The following AQP7B variants were observed in gnomAD, a reference collection of about 807,000 sequenced individuals.
AQP7B encodes putative aquaporin-7B.
At chr2:94,593,864 G>T in the AQP7B span, among the ~76,000 whole-genome samples, 1 of 152,206 alleles carries the variant, frequency 6.6e-6, no homozygotes, top group South Asian at 2.1e-4. Flanking sequence ...CCTATATGCA[G>T]ATTTGGGCCC....
the AQP7B span, chr2:94,603,858 C>A: frequency 7.0e-7 from 1 of 1,422,754 alleles, no homozygotes; most frequent in Non-Finnish European, 9.9e-7. Context: ...CAGGATATGC[C>A]ATCAATCCAT....
At chr2:94,603,660 C>T in the AQP7B span, 1 of 1,322,648 alleles carries the variant, frequency 7.6e-7, no homozygotes. Flanking sequence ...CTGCCGATGT[C>T]CTGTGGCTTG....
the AQP7B span, chr2:94,594,892 C>G: frequency 2.8e-6 from 4 of 1,408,640 alleles, no homozygotes; most frequent in Non-Finnish European, 4.0e-6. Flanking sequence ...GTGGGCAGCA[C>G]GAAGTGGGTG....
chr2:94,602,545 C>A, the AQP7B span: 1 of 1,603,820 alleles, frequency 6.2e-7, no homozygotes, highest in Non-Finnish European at 8.5e-7. Context: ...CATATGGGAG[C>A]TACCTTGGTG....
the AQP7B span, among the ~76,000 whole-genome samples, chr2:94,601,139 A>T: frequency 6.6e-6 from 1 of 152,244 alleles, no homozygotes. Flanking sequence ...CATCTGGCAC[A>T]GGTAACTGCC....
the AQP7B span, among the ~76,000 whole-genome samples, chr2:94,595,315 A>T: frequency 4.6e-5 from 7 of 152,186 alleles, no homozygotes; most frequent in Admixed American, 2.0e-4. Context: ...GACTCCTGTA[A>T]TCTCAGTTAT....
At chr2:94,593,176 G>A in the AQP7B span, among the ~76,000 whole-genome samples, 17 of 152,076 alleles carry the variant, frequency 1.1e-4, no homozygotes, top group African/African-American at 4.1e-4. Flanking sequence ...GAAAGAGTGG[G>A]CACCATGGGG....
the AQP7B span, among the ~76,000 whole-genome samples, chr2:94,597,281 C>T: frequency 6.6e-6 from 1 of 152,196 alleles, no homozygotes; most frequent in African/African-American, 2.4e-5. Context: ...GCTGTTAACC[C>T]TTGGAACCTC....
At chr2:94,604,160 T>G in the AQP7B span, 1 of 979,298 alleles carries the variant, frequency 1.0e-6, no homozygotes, top group Non-Finnish European at 1.5e-6. Flanking sequence ...ACCAGGGCCC[T>G]GGGTTGGGGG....
At chr2:94,591,319 G>C in the AQP7B span, among the ~76,000 whole-genome samples, 1 of 152,112 alleles carries the variant, frequency 6.6e-6, no homozygotes. Flanking sequence ...TGTGCCCCAC[G>C]CTAGTCATTC....
the AQP7B span, among the ~76,000 whole-genome samples, chr2:94,597,437 C>T: frequency 6.6e-6 from 1 of 152,210 alleles, no homozygotes; most frequent in Non-Finnish European, 1.5e-5. Flanking sequence ...TGATGCTAAG[C>T]CCCTTATGTG....
chr2:94,604,199 C>T, the AQP7B span: 2 of 1,338,436 alleles, frequency 1.5e-6, no homozygotes, highest in East Asian at 4.6e-5. Context: ...GGGGATGACT[C>T]CTCTGCTCAA....
At chr2:94,591,170 T>C in the AQP7B span, among the ~76,000 whole-genome samples, 2 of 151,912 alleles carry the variant, frequency 1.3e-5, no homozygotes, top group Admixed American at 1.3e-4. Context: ...TGATTTGCTG[T>C]CCTCCAAATG....
At chr2:94,590,793 A>AC in the AQP7B span, among the ~76,000 whole-genome samples, 1 of 151,530 alleles carries the variant, frequency 6.6e-6, no homozygotes, top group Non-Finnish European at 1.5e-5. Flanking sequence ...AAATAAGAAA[A>AC]AATAGCCGGT....
chr2:94,604,457 G>A, the AQP7B span: 9 of 1,611,440 alleles, frequency 5.6e-6, no homozygotes, highest in Non-Finnish European at 7.6e-6. Context: ...GCCCAAGATG[G>A]GATCTCATGA....
chr2:94,588,649 T>G, the AQP7B span: 3 of 840,348 alleles, frequency 3.6e-6, no homozygotes. Flanking sequence ...TTGGGGCAGC[T>G]GTCCCCCCTT....
chr2:94,598,710 A>T, the AQP7B span, among the ~76,000 whole-genome samples: 4 of 152,128 alleles, frequency 2.6e-5, no homozygotes, highest in Non-Finnish European at 4.4e-5. Context: ...TCTAAACAAA[A>T]CCTGTGCCCT....
chr2:94,604,163 G>C, the AQP7B span: 1 of 1,002,888 alleles, frequency 1.0e-6, no homozygotes, highest in Non-Finnish European at 1.5e-6. Context: ...AGGGCCCTGG[G>C]TTGGGGGTGT....
At chr2:94,593,589 G>T in the AQP7B span, among the ~76,000 whole-genome samples, 1 of 149,844 alleles carries the variant, frequency 6.7e-6, no homozygotes, top group African/African-American at 2.5e-5. Context: ...ATGTTCAAGT[G>T]ATTCTCCTGC....
Sources: gnomAD v4.1 joint callset for allele counts (sites outside exome capture counted in the v4.1 genomes callset) on GRCh38, gnomAD v4.1.1 for gene constraint, MANE v1.5 for transcripts, NCBI Gene and HGNC (gene_info 2026-07-23, HGNC 2026-07-21) for gene names.